ATRX: variants seen among roughly 807,000 people sequenced by gnomAD.
ATRX encodes ATRX chromatin remodeler.
Under a neutral mutation model 172.6 loss-of-function variants are expected in ATRX, and 12 were observed. The ratio of observed to expected loss-of-function variants is 0.07; its 90% CI spans 0.04 to 0.11. The LOEUF is 0.11. ATRX is among the 10% of genes least tolerant of loss of function. ATRX has a pLI of 1.00. For synonymous variants in ATRX, 674 were observed against 594.7 expected, an observed-to-expected ratio of 1.13 and a Z score of -1.94; for missense variants, 1,368 against 1,767.4, an observed-to-expected ratio of 0.77 and a Z score of 4.05.
chrX:77,739,775 C>A (rs2074769370), intron 1 of ATRX, among the ~76,000 whole-genome samples: 2 of 109,488 alleles, frequency 1.8e-5, no homozygotes, highest in African/African-American at 6.6e-5. Flanking sequence ...ACGGGCCAGG[C>A]AAGGTGGCTC....
intron 1 of ATRX, among the ~76,000 whole-genome samples, chrX:77,718,325 G>A (rs1191908725): frequency 2.8e-5 from 3 of 106,069 alleles, no homozygotes; most frequent in Non-Finnish European, 5.8e-5. Context: ...GAGCTCCATC[G>A]CCCAGGGAAA....
intron 1 of ATRX, among the ~76,000 whole-genome samples, chrX:77,722,567 G>A (rs1945216834): frequency 9.0e-6 from 1 of 111,579 alleles, no homozygotes; most frequent in African/African-American, 3.3e-5. Flanking sequence ...AGACATTTAT[G>A]TGGCCAACAA....
chrX:77,750,763 A>C (rs1040730880), intron 1 of ATRX, among the ~76,000 whole-genome samples: 229 of 109,237 alleles, frequency 2.1e-3, no homozygotes, highest in African/African-American at 7.4e-3. Context: ...CCCACTTATG[A>C]GTGAGAACGT....
At chrX:77,735,797 G>A (rs1355468305) in intron 1 of ATRX, among the ~76,000 whole-genome samples, 4 of 83,488 alleles carry the variant, frequency 4.8e-5, no homozygotes, top group East Asian at 3.9e-4. Context: ...GCAAGACTCC[G>A]TCTCAAAAAA....
rs189367533 is a variant in ATRX at position 77,587,507 on chromosome X, C to T, written c.6217+2327G>A. On this transcript the variant is annotated intron_variant, in intron 27 of 34. Transcript: ENST00000373344. The stretch of plus-strand genomic sequence containing the variant: ...TAGTATCCACAAAACTAACATCATA[C>T]AAAATGTTGAAAAACTGGATTCCTT... Among the ~76,000 whole-genome samples, 637 of 111,957 alleles carry T rather than the reference C, an allele frequency of 5.7e-3. 2 individuals carry two copies. Among genetic ancestry groups the T allele is most frequent in the African/African-American group, 0.02 (609 of 30,855 alleles).
Position 77,506,539 on chromosome X carries a change from C to T in ATRX, c.*1812G>A, listed in dbSNP as rs2147633987. 5.7e-6 allele frequency: 1 copy of T among 175,322 alleles called. No individual in the cohort carries two copies. Among genetic ancestry groups the T allele is most frequent in the East Asian group, 8.1e-5 (1 of 12,374 alleles). The allele number at this position is 175,322 out of a possible 1,213,427, so 14.4% of individuals were successfully genotyped here. On this transcript the variant is annotated 3_prime_UTR_variant, in exon 35 of 35. Transcript: ENST00000373344. ...AGAAATACCAACTGGTAACAGTTGG[C>T]CAGAGTGTACTGCCTTCAAATATTT...
At chrX:77,608,804 C>A (rs1380392922) in intron 22 of ATRX, among the ~76,000 whole-genome samples, 3 of 111,269 alleles carry the variant, frequency 2.7e-5, no homozygotes, top group African/African-American at 9.8e-5. Flanking sequence ...AAGAGACAAC[C>A]CACAGGATGG....
rs1233783280 is a variant in ATRX at position 77,574,111 on chromosome X, G to A, written c.6326+139C>T. The stretch of plus-strand genomic sequence containing the variant: ...CATAAGTGAATTCAGTGGTTAGGGA[G>A]TGATGACACTGTTTTGCAACCTGAC... On this transcript the variant is annotated intron_variant, in intron 28 of 34. Coordinates refer to ENST00000373344, the MANE Select transcript of ATRX (RefSeq NM_000489.6). 3 of 442,565 alleles carry A rather than the reference G, an allele frequency of 6.8e-6. No individual in the cohort carries two copies. The Admixed American group carries it at 1.1e-4, about 17-fold the overall frequency. The allele number at this position is 442,565 out of a possible 1,213,427, so 36.5% of individuals were successfully genotyped here.
intron 30 of ATRX, among the ~76,000 whole-genome samples, chrX:77,526,389 A>T: frequency 9.0e-6 from 1 of 110,957 alleles, no homozygotes; most frequent in Non-Finnish European, 1.9e-5. Flanking sequence ...TGCAACCTCC[A>T]CCTCCCAGGT....
intron 10 of ATRX, among the ~76,000 whole-genome samples, chrX:77,668,006 A>C (rs1451367484): frequency 4.5e-5 from 5 of 112,043 alleles, no homozygotes; most frequent in Non-Finnish European, 9.4e-5. Flanking sequence ...TTAAGCCCTA[A>C]AAAGAATAAG....
At chrX:77,588,633 A>C (rs1436853490) in intron 27 of ATRX, among the ~76,000 whole-genome samples, 1 of 110,992 alleles carries the variant, frequency 9.0e-6, no homozygotes, top group East Asian at 2.8e-4. Flanking sequence ...AAATAAAAGA[A>C]AGTGATACAG....
chrX:77,656,132 C>T (rs868921598), intron 13 of ATRX, among the ~76,000 whole-genome samples: 2 of 111,601 alleles, frequency 1.8e-5, no homozygotes, highest in Middle Eastern at 4.6e-3. Context: ...ACCTTGTACA[C>T]GTATTGTCTC....
chrX:77,614,469 C>A (rs1557095633), intron 22 of ATRX, among the ~76,000 whole-genome samples: 1 of 111,916 alleles, frequency 8.9e-6, no homozygotes, highest in Non-Finnish European at 1.9e-5. Flanking sequence ...TTAGCTATGG[C>A]AATTAGTGCT....
chrX:77,711,073 G>A (rs2037538460), intron 2 of ATRX, among the ~76,000 whole-genome samples: 1 of 111,697 alleles, frequency 9.0e-6, no homozygotes, highest in Non-Finnish European at 1.9e-5. Context: ...CTGCCAAAGT[G>A]CATAAGAGCT....
At chrX:77,630,169 A>G (rs782261008) in intron 19 of ATRX, among the ~76,000 whole-genome samples, 3 of 112,172 alleles carry the variant, frequency 2.7e-5, no homozygotes, top group Non-Finnish European at 5.6e-5. Context: ...TAAATTTAAG[A>G]AAATAAGTCC....
In ATRX at chrX:77,681,898, C is replaced by A. The variant is rs1557137601; in HGVS notation, c.3358G>T (p.Asp1120Tyr). The A allele has an allele frequency of 5.0e-6, 6 of 1,210,459 alleles. No individual in the cohort carries two copies. Among genetic ancestry groups the A allele is most frequent in the Non-Finnish European group, 6.7e-6 (6 of 894,915 alleles). ...SDTEKYSMKE[D>Y]GCNSSDKRLK... Reference sequence around the variant, plus strand: ...CTCTTATCAGAAGAGTTACAACCATCTTCTTTCATGGAATATTTCTCAGTA... The same window carrying A: ...CTCTTATCAGAAGAGTTACAACCATATTCTTTCATGGAATATTTCTCAGTA... Residue 1120 changes from aspartate (D) to tyrosine (Y), a missense_variant, in exon 9 of 35, where the codon GAT becomes TAT. Physicochemically the swap from Asp to Tyr is radical, Grantham distance 160. This residue lies in a region of ATRX where 843 missense variants were observed against 643.1 expected (regional missense o/e 1.31). Coordinates refer to ENST00000373344, the MANE Select transcript of ATRX (RefSeq NM_000489.6).
chrX:77,780,695 C>A (rs2076539117), intron 1 of ATRX, among the ~76,000 whole-genome samples: 1 of 108,347 alleles, frequency 9.2e-6, no homozygotes, highest in Non-Finnish European at 1.9e-5. Context: ...AATCCCAGCA[C>A]TTTGGGAGGC....
chrX:77,756,942 C>T (rs973071386), intron 1 of ATRX, among the ~76,000 whole-genome samples: 4 of 110,204 alleles, frequency 3.6e-5, no homozygotes, highest in Non-Finnish European at 7.6e-5. Flanking sequence ...CACACCACCA[C>T]GCCTGGCTAA....
rs782295195 is a variant in ATRX, at chrX:77,688,409, A to G, written c.594+409T>C. The stretch of plus-strand genomic sequence containing the variant: ...TTACATTTGGGGAAGTAGGATATAT[A>G]AGGGGAAAGATTATAAAACACAAAC... On this transcript the variant is annotated intron_variant, in intron 7 of 34. Transcript: ENST00000373344. Among the ~76,000 whole-genome samples, 23 of 112,098 alleles carry G rather than the reference A, an allele frequency of 2.1e-4. No individual in the cohort carries two copies. The South Asian group carries it at 8.2e-3, about 40-fold the overall frequency.
Sources: gnomAD v4.1 joint callset for allele counts (sites outside exome capture counted in the v4.1 genomes callset) on GRCh38, gnomAD v4.1.1 for gene constraint, gnomAD v4.1.1 regional missense constraint, MANE v1.5 for transcripts, NCBI Gene and HGNC (gene_info 2026-07-23, HGNC 2026-07-21) for gene names.